GABRG2: variants seen among roughly 807,000 people sequenced by gnomAD.
GABRG2 encodes the protein gamma-aminobutyric acid receptor subunit gamma-2.
Under a neutral mutation model 56.4 loss-of-function variants are expected in GABRG2, and 16 were observed. The observed-to-expected ratio is 0.28, with a 90% confidence interval of 0.19 to 0.43. The LOEUF (loss-of-function observed/expected upper bound fraction) is 0.43, where lower values mean the gene tolerates loss of function less well. Among genes scored for constraint, GABRG2 ranks in the 20% least tolerant of loss-of-function variants. The pLI is 1.00. For missense variants in GABRG2, 327 were observed against 582.7 expected (o/e 0.56, Z 4.52); for synonymous variants, 208 against 205.5 (o/e 1.01, Z -0.10).
chr5:162,075,380 T>A (rs1488949729), intron 1 of GABRG2, among the ~76,000 whole-genome samples: 1 of 152,138 alleles, frequency 6.6e-6, no homozygotes, highest in Admixed American at 6.6e-5. Flanking sequence ...CTCAGTGTAA[T>A]ATTGCAAACT....
intron 7 of GABRG2, among the ~76,000 whole-genome samples, chr5:162,146,922 G>A (rs1764993275): frequency 1.3e-5 from 2 of 152,176 alleles, no homozygotes; most frequent in Admixed American, 1.3e-4. Context: ...TGACCCAAGA[G>A]AACCACATGG....
Position 162,068,025 on chromosome 5 carries a change from C to CA in GABRG2, c.27dup (p.Gly10ArgfsTer30). 6.2e-7 allele frequency: 1 copy of CA among 1,612,358 alleles called. No homozygotes were observed. Among genetic ancestry groups the CA allele is most frequent in the South Asian group, 1.1e-5 (1 of 90,962 alleles). On this transcript the variant is annotated frameshift_variant, in exon 1 of 10. Transcript: ENST00000639213. LOFTEE classifies it high-confidence loss of function. ...ATGAGTTCGCCAAATATATGGAGCA[C>CA]AGGAAGCTCAGTCTACTCGACTCCT...
At chr5:162,119,344 T>C (rs947581808) in intron 6 of GABRG2, among the ~76,000 whole-genome samples, 7 of 152,254 alleles carry the variant, frequency 4.6e-5, no homozygotes, top group African/African-American at 1.7e-4. Context: ...TCCAGATAAT[T>C]TCTGTTTACT....
chr5:162,068,530 G>C (rs1395154923), intron 1 of GABRG2, among the ~76,000 whole-genome samples: 4 of 150,720 alleles, frequency 2.7e-5, no homozygotes, highest in Admixed American at 1.3e-4. Flanking sequence ...ATGTGTGAGG[G>C]AGCTGGGGGG....
chr5:162,095,397 C>T, intron 2 of GABRG2, 98 bp from the exon 3 acceptor site: 1 of 756,932 alleles, frequency 1.3e-6, no homozygotes, highest in Non-Finnish European at 2.3e-6. Context: ...TAAATTACTT[C>T]TAATGTAGCT....
chr5:162,115,374 A>G (rs1319252194), intron 6 of GABRG2, among the ~76,000 whole-genome samples: 1 of 152,188 alleles, frequency 6.6e-6, no homozygotes, highest in East Asian at 1.9e-4. Flanking sequence ...GTCCCCTAGA[A>G]TTCCTAACAA....
chr5:162,100,781 G>A (rs1333744550), intron 4 of GABRG2, among the ~76,000 whole-genome samples: 2 of 152,084 alleles, frequency 1.3e-5, no homozygotes, highest in African/African-American at 2.4e-5. Flanking sequence ...AGCAATTAAA[G>A]CTAACAGCTA....
intron 6 of GABRG2, among the ~76,000 whole-genome samples, chr5:162,139,072 C>CA (rs1001631343): frequency 3.3e-5 from 5 of 151,786 alleles, no homozygotes; most frequent in Non-Finnish European, 5.9e-5. Flanking sequence ...ATCTCACACA[C>CA]AAAAAAGATA....
intron 6 of GABRG2, among the ~76,000 whole-genome samples, chr5:162,105,402 A>T (rs1761730355): frequency 6.6e-6 from 1 of 151,160 alleles, no homozygotes; most frequent in Non-Finnish European, 1.5e-5. Context: ...ATTTGCAAGA[A>T]ACCTGACCAT....
Position 162,097,943 on chromosome 5 carries a change from A to C in GABRG2, c.548+85A>C, listed in dbSNP as rs1761121026. ...TCAACCTTAAGTCTCTAAAAGAAAA[A>C]AAAAAAAGGAAATAAATTTCAAGAC... On this transcript the variant is annotated intron_variant, in intron 4 of 9. Coordinates refer to ENST00000639213, the MANE Select transcript of GABRG2 (RefSeq NM_198904.4). 5.2e-6 allele frequency: 6 copies of C among 1,150,254 alleles called. No homozygotes were observed. In the South Asian group the frequency reaches 6.6e-5, roughly 13 times the overall value. 71.3% of individuals were successfully genotyped at this position (1,150,254 alleles called of 1,614,324 possible). A position where few individuals can be genotyped will look rare whatever the true frequency, so the allele number is the denominator to read the frequency against.
intron 1 of GABRG2, among the ~76,000 whole-genome samples, chr5:162,088,174 A>G (rs142885951): frequency 1.3e-5 from 2 of 152,194 alleles, no homozygotes; most frequent in East Asian, 3.9e-4. Flanking sequence ...CAATGGCCCC[A>G]TCCATTGAAC....
intron 1 of GABRG2, among the ~76,000 whole-genome samples, chr5:162,078,382 T>C (rs1759323675): frequency 1.2e-4 from 4 of 33,854 alleles, no homozygotes; most frequent in African/African-American, 3.3e-4. Context: ...TATATATATA[T>C]ATATATATAT....
At chr5:162,151,951 C>T (rs1581460214) in intron 9 of GABRG2, 198 bp downstream of exon 9, 1 of 498,084 alleles carries the variant, frequency 2.0e-6, no homozygotes, top group East Asian at 3.2e-5. Flanking sequence ...AATCTTACAC[C>T]AAGCCCAAAA....
intron 1 of GABRG2, among the ~76,000 whole-genome samples, chr5:162,082,288 T>G (rs749181311): frequency 7.9e-5 from 12 of 151,816 alleles, no homozygotes; most frequent in Non-Finnish European, 1.8e-4. Flanking sequence ...AAGACAGTAC[T>G]TTATCTTGTT....
chr5:162,121,739 T>G (rs1272978769), intron 6 of GABRG2, among the ~76,000 whole-genome samples: 1 of 151,830 alleles, frequency 6.6e-6, no homozygotes, highest in Non-Finnish European at 1.5e-5. Flanking sequence ...CATGCTGGAG[T>G]TGAAGGAGGT....
chr5:162,094,680 G>A (rs1482553025), intron 2 of GABRG2: 1 of 152,474 alleles, frequency 6.6e-6, no homozygotes, highest in African/African-American at 2.4e-5. Flanking sequence ...TTATCCAGGA[G>A]AAGGCAAGGA....
In GABRG2 at chr5:162,149,272, C is replaced by G. The variant is rs374512652; in HGVS notation, c.1087C>G (p.Arg363Gly). The change falls in exon 8 of 10, where the codon CGG becomes GGG. Residue 363 changes from arginine (R) to glycine (G), a missense_variant. Arg to Gly is a moderately radical substitution (Grantham distance 125). Around this residue, in one of 4 missense-constraint regions of GABRG2, gnomAD observed 108 missense variants for 144.2 expected, o/e 0.75. Coordinates refer to ENST00000639213, the MANE Select transcript of GABRG2 (RefSeq NM_198904.4). ...CACCTTGCATTATTTTGTCAGCAAC[C>G]GGAAACCAAGCAAGGACAAAGATAA... Reference protein sequence around the residue: ...YGTLHYFVSNRKPSKDKDKKK... With the variant: ...YGTLHYFVSNGKPSKDKDKKK... 6.2e-7 allele frequency: 1 copy of G among 1,614,016 alleles called. No individual in the cohort carries two copies. Among genetic ancestry groups the G allele is most frequent in the Non-Finnish European group, 8.5e-7 (1 of 1,180,018 alleles).
At chr5:162,104,098 A>C in intron 6 of GABRG2, 72 bp downstream of exon 6, 3 of 1,340,850 alleles carry the variant, frequency 2.2e-6, no homozygotes, top group South Asian at 2.3e-5. Context: ...GAATTAGAAG[A>C]TTTTTCAATA....
chr5:162,089,158 G>A (rs1268570871), intron 1 of GABRG2, among the ~76,000 whole-genome samples: 1 of 152,118 alleles, frequency 6.6e-6, no homozygotes, highest in Non-Finnish European at 1.5e-5. Context: ...AGATTGAGGA[G>A]TGGAGCAGAG....
Sources: gnomAD v4.1 joint callset for allele counts (sites outside exome capture counted in the v4.1 genomes callset) on GRCh38, gnomAD v4.1.1 for gene constraint, gnomAD v4.1.1 regional missense constraint, MANE v1.5 for transcripts, NCBI Gene and HGNC (gene_info 2026-07-23, HGNC 2026-07-21) for gene names.